PLEK2: variants seen among roughly 807,000 people sequenced by gnomAD.
The protein encoded by PLEK2 is pleckstrin-2.
Under a neutral mutation model 43.8 loss-of-function variants are expected in PLEK2, and 29 were observed. The observed-to-expected ratio is 0.66, with a 90% CI of 0.49 to 0.90. The LOEUF (loss-of-function observed/expected upper bound fraction) is 0.90. Among genes scored for constraint, PLEK2 ranks in the 40% least tolerant of loss-of-function variants. The probability of loss-of-function intolerance (pLI) is 0.00; values close to 1 mark genes in which losing one functional copy is unlikely to be tolerated. For synonymous variants in PLEK2, 162 were observed against 173.2 expected (o/e 0.94, Z 0.51); for missense variants, 398 against 448.1 (o/e 0.89, Z 1.01).
chr14:67,403,335 T>C (rs1011892396), intron 1 of PLEK2, among the ~76,000 whole-genome samples: 8 of 152,330 alleles, frequency 5.3e-5, no homozygotes, highest in Admixed American at 4.6e-4. Flanking sequence ...AAGAGCAGAT[T>C]GTTCTGATAC....
In PLEK2 at chr14:67,392,465, A is replaced by G. The variant is rs1200543775; in HGVS notation, c.670-38T>C. Reference sequence around the variant, plus strand: ...AGGGAGCAAGGACTCTGCTACAGAAAAGACCCAGGCCCAGGCTATGGCGGC... The same window carrying G: ...AGGGAGCAAGGACTCTGCTACAGAAGAGACCCAGGCCCAGGCTATGGCGGC... On this transcript the variant is annotated intron_variant, in intron 5 of 8. Transcript: ENST00000216446. The G allele has an allele frequency of 8.7e-6, 13 of 1,485,832 alleles. No individual in the cohort carries two copies. The East Asian group carries it at 2.5e-4, about 28-fold the overall frequency. The allele number at this position is 1,485,832 out of a possible 1,614,324, so 92.0% of individuals were successfully genotyped here.
Position 67,392,700 on chromosome 14 carries a change from C to T in PLEK2, c.631G>A (p.Glu211Lys), listed in dbSNP as rs753776042. Residue 211 changes from glutamate (E) to lysine (K), a missense_variant, in exon 5 of 9, where the codon GAG (glutamate) becomes AAG (lysine). Coordinates refer to ENST00000216446, the MANE Select transcript of PLEK2 (RefSeq NM_016445.3). The part of the protein sequence containing the change: ...MGAIRSGDLA[E>K]QFLDDSTALY... ...GCTGTGGAGTCATCCAGGAACTGCT[C>T]GGCCAGATCCCCAGAGCGAATGGCT... 5.0e-6 allele frequency: 8 copies of T among 1,614,104 alleles called. No homozygotes were observed. Among genetic ancestry groups the T allele is most frequent in the South Asian group, 1.1e-5 (1 of 91,068 alleles).
chr14:67,404,543 T>G (rs112019721), intron 1 of PLEK2, among the ~76,000 whole-genome samples: 6 of 152,164 alleles, frequency 3.9e-5, no homozygotes, highest in African/African-American at 1.4e-4. Context: ...GGTGTGGTGA[T>G]TCACACCTGT....
At chr14:67,411,904 TG>T in intron 1 of PLEK2, 113 bp downstream of exon 1, 1 of 963,040 alleles carries the variant, frequency 1.0e-6, no homozygotes, top group Admixed American at 2.9e-5. Flanking sequence ...CCATGGGGGT[TG>T]GGGATGGGAA....
At chr14:67,392,516 A>G in intron 5 of PLEK2, 89 bp from the exon 6 acceptor site, 1 of 1,263,828 alleles carries the variant, frequency 7.9e-7, no homozygotes, top group Non-Finnish European at 1.2e-6. Flanking sequence ...GAAATTCCTC[A>G]GGACAGGAAC....
In PLEK2 at chr14:67,393,258, GC is replaced by G; in HGVS notation, c.390-18del. On this transcript the variant is annotated intron_variant, in intron 3 of 8. Coordinates refer to ENST00000216446, the MANE Select transcript of PLEK2 (RefSeq NM_016445.3). Reference sequence around the variant, plus strand: ...ACAATGCGACTACATGGAAGGGAAGGCAAAGGAGAGGGAACCCTCATCACGC... The same window carrying G: ...ACAATGCGACTACATGGAAGGGAAGGAAAGGAGAGGGAACCCTCATCACGC... 6.3e-7 allele frequency: 1 copy of G among 1,581,422 alleles called. No individual in the cohort carries two copies. Among genetic ancestry groups the G allele is most frequent in the Non-Finnish European group, 8.7e-7 (1 of 1,150,136 alleles).
rs569647970 is a variant in PLEK2, at chr14:67,395,153, T to C, written c.389+249A>G. On this transcript the variant is annotated intron_variant, in intron 3 of 8. Coordinates refer to ENST00000216446, the MANE Select transcript of PLEK2 (RefSeq NM_016445.3). The stretch of plus-strand genomic sequence containing the variant: ...TGGCTGAAATGGAATGGGGGTCTTG[T>C]GTCATGGAGGTGTGCAGAGGTGGCA... 3.4e-3 allele frequency among the ~76,000 whole-genome samples: 517 copies of C among 152,182 alleles called. 4 individuals are homozygous for C. The highest frequency in any genetic ancestry group is 0.012 in the African/African-American group (500 of 41,526).
At chr14:67,407,557 C>T (rs1276144813) in intron 1 of PLEK2, among the ~76,000 whole-genome samples, 1 of 152,020 alleles carries the variant, frequency 6.6e-6, no homozygotes, top group East Asian at 1.9e-4. Flanking sequence ...TCTCCCATCT[C>T]AGCCTCCCAA....
intron 2 of PLEK2, among the ~76,000 whole-genome samples, chr14:67,396,440 G>T (rs955501404): frequency 1.3e-5 from 2 of 151,642 alleles, no homozygotes; most frequent in Non-Finnish European, 2.9e-5. Context: ...GAGCCAATGC[G>T]CCTGGCCTCT....
rs1200239005 is a variant in PLEK2, at chr14:67,387,258, T to A, written c.*71A>T. On this transcript the variant is annotated 3_prime_UTR_variant, in exon 9 of 9. Transcript: ENST00000216446. The stretch of plus-strand genomic sequence containing the variant: ...ACAAAGAAGTCAAAAGTCTTAACAC[T>A]CCCATTCTCCAGGAACTCTTGTCTG... 53 of 1,471,466 alleles carry A rather than the reference T, an allele frequency of 3.6e-5. No individual in the cohort carries two copies. The highest frequency in any genetic ancestry group is 4.8e-5 in the Non-Finnish European group (52 of 1,082,366). 91.2% of individuals were successfully genotyped at this position (1,471,466 alleles called of 1,614,324 possible). A position where few individuals can be genotyped will look rare whatever the true frequency, so the allele number is the denominator to read the frequency against.
rs891266458 is a variant in PLEK2, at chr14:67,391,281, G to A, written c.772-535C>T. On this transcript the variant is annotated intron_variant, in intron 6 of 8. Coordinates refer to ENST00000216446, the MANE Select transcript of PLEK2 (RefSeq NM_016445.3). The stretch of plus-strand genomic sequence containing the variant: ...GTGTAAGCAGCTGATATGTGTGTGT[G>A]TGTGTGTGTGTGTGTGTGTGTGTGA... Among the ~76,000 whole-genome samples the A allele has an allele frequency of 7.9e-5, 12 of 151,020 alleles. No homozygotes were observed. The South Asian group carries it at 2.1e-3, about 26-fold the overall frequency.
chr14:67,403,365 G>A (rs1406623679), intron 1 of PLEK2, among the ~76,000 whole-genome samples: 1 of 152,126 alleles, frequency 6.6e-6, no homozygotes, highest in East Asian at 1.9e-4. Flanking sequence ...GAGTCATCAG[G>A]GACAGGTGGC....
chr14:67,396,090 A>C (rs114889773), intron 2 of PLEK2, among the ~76,000 whole-genome samples: 1 of 151,934 alleles, frequency 6.6e-6, no homozygotes, highest in Non-Finnish European at 1.5e-5. Context: ...CACATTTCTC[A>C]TAGGATATAG....
intron 1 of PLEK2, among the ~76,000 whole-genome samples, chr14:67,407,493 T>G (rs1169033032): frequency 6.6e-6 from 1 of 151,534 alleles, no homozygotes; most frequent in Non-Finnish European, 1.5e-5. Flanking sequence ...GAGGCTGGAG[T>G]GCAGTGGCAT....
At chr14:67,398,007 C>T (rs936779414) in intron 1 of PLEK2, 181 bp from the exon 2 acceptor site, 7 of 421,528 alleles carry the variant, frequency 1.7e-5, no homozygotes, top group Non-Finnish European at 2.9e-5. Context: ...TGGCACTGAC[C>T]TTCTAGTTCC....
Position 67,388,241 on chromosome 14 carries a change from T to C in PLEK2, c.917A>G (p.Asp306Gly). The C allele has an allele frequency of 6.2e-7, 1 of 1,613,036 alleles. No homozygotes were observed. The highest frequency in any genetic ancestry group is 8.5e-7 in the Non-Finnish European group (1 of 1,179,056). ...LRGSLVSALE[D>G]NGVPTGVKGN... ...TACCTTACCAGTGGGAACGCCATTA[T>C]CTTCCAGAGCAGACACGAGTGAACC... Residue 306 changes from aspartate to glycine, a missense_variant, in exon 8 of 9, where the codon GAT (aspartate) becomes GGT (glycine). By Grantham distance (94) the Asp-to-Gly change is moderately conservative (BLOSUM62 -1). Transcript: ENST00000216446.
At chr14:67,396,171 G>A (rs370243013) in intron 2 of PLEK2, among the ~76,000 whole-genome samples, 4 of 147,234 alleles carry the variant, frequency 2.7e-5, no homozygotes, top group Admixed American at 6.8e-5. Flanking sequence ...TTCTTGAGAC[G>A]GAGTCTTGCT....
Position 67,388,344 on chromosome 14 carries a change from CA to C in PLEK2, c.856-43del, listed in dbSNP as rs751493623. The C allele has an allele frequency of 2.4e-6, 3 of 1,265,366 alleles. No individual in the cohort carries two copies. In the South Asian group the frequency reaches 3.6e-5, roughly 15 times the overall value. The allele number at this position is 1,265,366 out of a possible 1,614,324, so 78.4% of individuals were successfully genotyped here. ...ACCCAATTAGGAATTTGTGAATGAA[CA>C]AAAGGGAAGAGTTGCACTCCCCTTA... On this transcript the variant is annotated intron_variant, in intron 7 of 8. Coordinates refer to ENST00000216446, the MANE Select transcript of PLEK2 (RefSeq NM_016445.3).
chr14:67,387,464 G>A lies in PLEK2; in HGVS notation c.935-8C>T. Reference sequence around the variant, plus strand: ...GGACATTCCCTTTAACCCCTAGGCAGAAAAAAGGGGGAAAAAAATCAGTGA... The same window carrying A: ...GGACATTCCCTTTAACCCCTAGGCAAAAAAAAGGGGGAAAAAAATCAGTGA... On this transcript the variant is annotated splice_region_variant and splice_polypyrimidine_tract_variant and intron_variant, in intron 8 of 8. Transcript: ENST00000216446. 3.8e-6 allele frequency: 6 copies of A among 1,590,788 alleles called. No homozygotes were observed. The highest frequency in any genetic ancestry group is 3.7e-5 in the Admixed American group (2 of 53,874).
Sources: allele counts gnomAD v4.1 joint callset (sites outside exome capture counted in the v4.1 genomes callset), GRCh38; gene constraint gnomAD v4.1.1; transcripts MANE v1.5; gene names NCBI Gene and HGNC (gene_info 2026-07-23, HGNC 2026-07-21).